SLCO5A1: variants seen among roughly 807,000 people sequenced by gnomAD.
SLCO5A1 encodes organic anion transporter polypeptide-related protein 4.
A neutral mutation model predicts 65.1 loss-of-function variants in SLCO5A1; 39 were observed. That is an observed-to-expected ratio of 0.60 (90% CI 0.46 to 0.78). SLCO5A1 has a LOEUF of 0.78. Ranked by LOEUF, SLCO5A1 falls within the 30% of genes least tolerant of loss-of-function variation. SLCO5A1 has a pLI of 0.00. For missense variants in SLCO5A1, 1,029 were observed against 1,069.4 expected, an observed-to-expected ratio of 0.96 and a Z score of 0.53; for synonymous variants, 438 against 415.7, an observed-to-expected ratio of 1.05 and a Z score of -0.65.
intron 6 of SLCO5A1, among the ~76,000 whole-genome samples, chr8:69,689,482 T>C (rs1400582971): frequency 2.2e-5 from 3 of 137,852 alleles, no homozygotes; most frequent in Non-Finnish European, 4.6e-5. Flanking sequence ...GTCTAACATA[T>C]AAGTCTTTAA....
chr8:69,679,146 A>G (rs1013395902), intron 8 of SLCO5A1, among the ~76,000 whole-genome samples: 1 of 152,230 alleles, frequency 6.6e-6, no homozygotes, highest in African/African-American at 2.4e-5. Flanking sequence ...CAGTAAGAAT[A>G]TAACCCAACT....
chr8:69,733,530 G>A (rs747780567), intron 5 of SLCO5A1, among the ~76,000 whole-genome samples: 2 of 152,192 alleles, frequency 1.3e-5, no homozygotes, highest in Non-Finnish European at 1.5e-5. Flanking sequence ...GGTTGATACG[G>A]TTTGGCCCTG....
At position 69,695,445 on chromosome 8, in the gene SLCO5A1, G is replaced by A. The variant is rs535653976; in HGVS notation, c.1622+9586C>T. ...CAGGGGGCGGAGGTTGCAGTGAGCC[G>A]AGATTGTGCCACTGCACTTTAGCCT... is the stretch of plus-strand genomic sequence containing the variant. On this transcript the variant is annotated intron_variant, in intron 6 of 9. Transcript: ENST00000260126. Among the ~76,000 whole-genome samples, 39 of 152,192 alleles carry A rather than the reference G, an allele frequency of 2.6e-4. No homozygotes were observed. In the South Asian group the frequency reaches 7.5e-3, roughly 29 times the overall value.
intron 8 of SLCO5A1, among the ~76,000 whole-genome samples, chr8:69,678,447 T>C (rs1813634802): frequency 6.6e-6 from 1 of 152,230 alleles, no homozygotes; most frequent in Non-Finnish European, 1.5e-5. Flanking sequence ...GATTCAGATC[T>C]TAGTTATAAA....
intron 2 of SLCO5A1, among the ~76,000 whole-genome samples, chr8:69,765,253 T>C (rs1818006238): frequency 6.6e-6 from 1 of 152,076 alleles, no homozygotes; most frequent in Non-Finnish European, 1.5e-5. Flanking sequence ...TACACACATA[T>C]ACAACTACAT....
At chr8:69,760,879 G>A (rs1237306462) in intron 3 of SLCO5A1, among the ~76,000 whole-genome samples, 4 of 152,170 alleles carry the variant, frequency 2.6e-5, no homozygotes, top group South Asian at 2.1e-4. Flanking sequence ...AAGCGAGAAA[G>A]CAGCTAAATC....
chr8:69,788,473 A>T (rs945950116), intron 2 of SLCO5A1, among the ~76,000 whole-genome samples: 4 of 152,110 alleles, frequency 2.6e-5, no homozygotes, highest in Admixed American at 6.5e-5. Flanking sequence ...CATTTAACTT[A>T]CTAATTTGGA....
chr8:69,819,409 A>G (rs765273404), intron 2 of SLCO5A1, among the ~76,000 whole-genome samples: 2 of 151,842 alleles, frequency 1.3e-5, no homozygotes, highest in Non-Finnish European at 2.9e-5. Flanking sequence ...CTAGATGGCC[A>G]AGCCTATTTA....
Position 69,832,442 on chromosome 8 carries a change from G to A in SLCO5A1, c.232C>T (p.Pro78Ser), listed in dbSNP as rs146746403. 2.5e-6 allele frequency: 4 copies of A among 1,613,022 alleles called. No homozygotes were observed. The highest frequency in any genetic ancestry group is 1.7e-5 in the Admixed American group (1 of 59,812). The change falls in exon 2 of 10, where the codon CCG becomes TCG. Residue 78 changes from proline to serine, a missense_variant. Transcript: ENST00000260126. The surrounding 1 kb of genome is among the most constrained non-coding windows in gnomAD (Gnocchi z 4.5). ...GGGGCAGAGGGACTGGGGGCCAACG[G>A]GTTCGGGCCTTGCTTCAACTCCTGG... ...GHQELKQGPN[P>S]LAPSPSAPST...
intron 6 of SLCO5A1, among the ~76,000 whole-genome samples, chr8:69,685,562 G>A (rs940755704): frequency 2.0e-5 from 3 of 152,174 alleles, no homozygotes; most frequent in African/African-American, 7.2e-5. Context: ...TTTGAGTGAG[G>A]CACGGGGCCT....
At chr8:69,694,340 G>A (rs1197994657) in intron 6 of SLCO5A1, among the ~76,000 whole-genome samples, 1 of 152,136 alleles carries the variant, frequency 6.6e-6, no homozygotes, top group African/African-American at 2.4e-5. Context: ...ACAGTAGAGG[G>A]ATGTTGTAAG....
At chr8:69,781,551 A>C (rs762525275) in intron 2 of SLCO5A1, among the ~76,000 whole-genome samples, 2 of 152,226 alleles carry the variant, frequency 1.3e-5, no homozygotes, top group Non-Finnish European at 2.9e-5. Context: ...TGTTGTCTGT[A>C]AGATACTGTG....
intron 2 of SLCO5A1, among the ~76,000 whole-genome samples, chr8:69,821,845 G>A (rs1243367064): frequency 6.6e-6 from 1 of 150,886 alleles, no homozygotes; most frequent in Non-Finnish European, 1.5e-5. Context: ...AAAACAATAT[G>A]GCCAGGCACA....
Position 69,678,655 on chromosome 8 carries a change from G to A in SLCO5A1, c.2024+723C>T, listed in dbSNP as rs140104098. ...TGTTCATCTGTATCACGTTATTGCA[G>A]TGCAAAAAAATAGCAGCCCGACCAT... On this transcript the variant is annotated intron_variant, in intron 8 of 9. Coordinates refer to ENST00000260126, the MANE Select transcript of SLCO5A1 (RefSeq NM_030958.3). Among the ~76,000 whole-genome samples, 717 of 152,086 alleles carry A rather than the reference G, an allele frequency of 4.7e-3. 1 individual carries two copies. Among genetic ancestry groups the A allele is most frequent in the Non-Finnish European group, 7.2e-3 (491 of 67,980 alleles).
At chr8:69,677,459 G>A (rs62512220) in intron 8 of SLCO5A1, among the ~76,000 whole-genome samples, 17,226 of 152,256 alleles carry the variant, frequency 0.11, 1,138 homozygotes, top group Non-Finnish European at 0.15. Flanking sequence ...GTAAATTTAT[G>A]AATGATTCAT....
intron 2 of SLCO5A1, among the ~76,000 whole-genome samples, chr8:69,795,427 CCAA>C (rs1405836946): frequency 6.6e-6 from 1 of 152,198 alleles, no homozygotes; most frequent in Non-Finnish European, 1.5e-5. Flanking sequence ...CCTTACAAGT[CCAA>C]CAAGTCCAAA....
At chr8:69,699,710 A>G (rs185209355) in intron 6 of SLCO5A1, among the ~76,000 whole-genome samples, 16 of 152,386 alleles carry the variant, frequency 1.0e-4, no homozygotes, top group African/African-American at 3.6e-4. Context: ...GAGACAAATT[A>G]GGAAAGAAAA....
intron 5 of SLCO5A1, among the ~76,000 whole-genome samples, chr8:69,719,262 TTTTG>T (rs576777959): frequency 7.6e-4 from 115 of 152,288 alleles, no homozygotes; most frequent in African/African-American, 2.6e-3. Context: ...AACCTGAAGA[TTTTG>T]TTTGTTTGTT....
intron 1 of SLCO5A1, chr8:69,833,854 G>C (rs1225319452): frequency 1.3e-5 from 2 of 152,262 alleles, no homozygotes; most frequent in African/African-American, 4.8e-5. Flanking sequence ...GGGCATTCGA[G>C]GCTGTGGCCC....
Sources: allele counts gnomAD v4.1 joint callset (sites outside exome capture counted in the v4.1 genomes callset), GRCh38; gene constraint gnomAD v4.1.1; non-coding constraint Gnocchi (gnomAD v3.1); transcripts MANE v1.5; gene names NCBI Gene and HGNC (gene_info 2026-07-23, HGNC 2026-07-21).